Variants in ZNF124 observed in about 807,000 individuals in gnomAD.
ZNF124 encodes zinc finger protein HZF-16.
In ZNF124, 25 loss-of-function variants were observed where a neutral mutation model predicts 26.6. The observed-to-expected ratio is 0.94, with a 90% CI of 0.68 to 1.31. ZNF124 has a LOEUF of 1.31. Among genes scored for constraint, ZNF124 ranks in the 40% most tolerant of loss-of-function variants. ZNF124 has a pLI of 0.00. For synonymous variants in ZNF124, 129 were observed against 133.3 expected (o/e 0.97, Z 0.22); for missense variants, 444 against 422.2 (o/e 1.05, Z -0.45).
At chr1:247,131,429 G>C (rs977712841) in intron 3 of ZNF124, among the ~76,000 whole-genome samples, 2 of 152,222 alleles carry the variant, frequency 1.3e-5, no homozygotes, top group Non-Finnish European at 2.9e-5. Flanking sequence ...AACTCCCAGG[G>C]GGAGGGGCAA....
At chr1:247,163,175 C>A (rs1673582250) in intron 1 of ZNF124, among the ~76,000 whole-genome samples, 1 of 151,988 alleles carries the variant, frequency 6.6e-6, no homozygotes, top group Non-Finnish European at 1.5e-5. Context: ...TTTTATAGCA[C>A]TAAATGCCCA....
chr1:247,160,130 C>T (rs543986725), intron 1 of ZNF124, among the ~76,000 whole-genome samples: 3 of 152,184 alleles, frequency 2.0e-5, no homozygotes, highest in African/African-American at 7.2e-5. Context: ...GGACTACAGG[C>T]ACATGTCACC....
chr1:247,164,035 A>T (rs1025359550), intron 1 of ZNF124, among the ~76,000 whole-genome samples: 1 of 152,160 alleles, frequency 6.6e-6, no homozygotes, highest in Non-Finnish European at 1.5e-5. Flanking sequence ...AACTAAAAAC[A>T]AAAAAACAAC....
chr1:247,141,921 G>A (rs1200569211), intron 3 of ZNF124, among the ~76,000 whole-genome samples: 1 of 152,174 alleles, frequency 6.6e-6, no homozygotes, highest in Non-Finnish European at 1.5e-5. Context: ...TGCTGACCTG[G>A]GAGCAGCTCT....
At chr1:247,143,577 C>A (rs1472558841) in intron 3 of ZNF124, among the ~76,000 whole-genome samples, 2 of 152,196 alleles carry the variant, frequency 1.3e-5, no homozygotes, top group African/African-American at 4.8e-5. Flanking sequence ...GAACCCTACC[C>A]TGTTCCACCA....
At position 247,156,263 on chromosome 1, in the gene ZNF124, T is replaced by G; in HGVS notation, c.*303A>C. 1 of 1,073,512 alleles carries G rather than the reference T, an allele frequency of 9.3e-7. No homozygotes were observed. Among genetic ancestry groups the G allele is most frequent in the South Asian group, 4.4e-5 (1 of 22,544 alleles). 66.5% of individuals were successfully genotyped at this position (1,073,512 alleles called of 1,614,324 possible). ...CTCACATTCGATACCTTCATAAAGT[T>G]TTTCTCTAGAATGAGTTATGTTATA... On this transcript the variant is annotated 3_prime_UTR_variant, in exon 4 of 4. Transcript: ENST00000543802.
chr1:247,128,088 A>C (rs1033055725), intron 3 of ZNF124, among the ~76,000 whole-genome samples: 2 of 152,034 alleles, frequency 1.3e-5, no homozygotes, highest in Admixed American at 6.5e-5. Context: ...CTCAAACTCC[A>C]ACTTCCCCTT....
At chr1:247,125,100 G>A (rs1239808135) in intron 3 of ZNF124, among the ~76,000 whole-genome samples, 1 of 152,184 alleles carries the variant, frequency 6.6e-6, no homozygotes, top group African/African-American at 2.4e-5. Context: ...ACAGCGCCCG[G>A]CCTTCATTCC....
chr1:247,156,305 G>A lies in ZNF124; in HGVS notation c.*261C>T. 1.4e-5 allele frequency: 16 copies of A among 1,169,500 alleles called. No homozygotes were observed. The highest frequency in any genetic ancestry group is 1.7e-5 in the Non-Finnish European group (16 of 948,918). 72.4% of individuals were successfully genotyped at this position (1,169,500 alleles called of 1,614,324 possible). ...TATGTTATACCATCAAATACCACTG[G>A]AACAACTGCAGGCCTTACCACATTT... is the stretch of plus-strand genomic sequence containing the variant. On this transcript the variant is annotated 3_prime_UTR_variant, in exon 4 of 4. Transcript: ENST00000543802.
chr1:247,134,113 A>G (rs558563782), intron 3 of ZNF124, among the ~76,000 whole-genome samples: 105 of 152,324 alleles, frequency 6.9e-4, no homozygotes, highest in African/African-American at 2.3e-3. Flanking sequence ...AGCACTAAAT[A>G]CGGAAAGAAA....
At chr1:247,145,647 T>TG (rs1255554989) in intron 3 of ZNF124, among the ~76,000 whole-genome samples, 2 of 148,242 alleles carry the variant, frequency 1.3e-5, no homozygotes, top group Non-Finnish European at 3.0e-5. Context: ...TTTTTTTTTT[T>TG]GACGGAGTTT....
At chr1:247,124,442 C>G (rs1341667739) in intron 3 of ZNF124, among the ~76,000 whole-genome samples, 1 of 151,676 alleles carries the variant, frequency 6.6e-6, no homozygotes, top group Non-Finnish European at 1.5e-5. Flanking sequence ...ACCTTGTGAT[C>G]TACCCGCCGC....
At chr1:247,142,943 T>G (rs1445469831) in intron 3 of ZNF124, among the ~76,000 whole-genome samples, 5 of 150,248 alleles carry the variant, frequency 3.3e-5, no homozygotes, top group African/African-American at 9.7e-5. Flanking sequence ...AAGAAAATTA[T>G]TTTGGTGTTT....
intron 1 of ZNF124, among the ~76,000 whole-genome samples, chr1:247,167,217 C>G (rs1288650330): frequency 6.6e-6 from 1 of 152,182 alleles, no homozygotes; most frequent in Non-Finnish European, 1.5e-5. Flanking sequence ...CTCCCAAGAT[C>G]AGGAAAGAGC....
At chr1:247,127,812 TTGGAGACGTGAG>T (rs1449461949) in intron 3 of ZNF124, among the ~76,000 whole-genome samples, 1 of 149,978 alleles carries the variant, frequency 6.7e-6, no homozygotes, top group Non-Finnish European at 1.5e-5. Context: ...GCTCGGTTTT[TTGGAGACGTGAG>T]TCTTGCCAAA....
At chr1:247,163,425 CA>C (rs1347278615) in intron 1 of ZNF124, among the ~76,000 whole-genome samples, 15 of 148,718 alleles carry the variant, frequency 1.0e-4, no homozygotes, top group African/African-American at 2.5e-5. Flanking sequence ...CATATAAACA[CA>C]ATCAGAAGTG....
intron 3 of ZNF124, among the ~76,000 whole-genome samples, chr1:247,127,737 C>T (rs12132769): frequency 0.23 from 33,730 of 147,470 alleles, 1,946 homozygotes; most frequent in African/African-American, 0.32. Context: ...CGATCACGAC[C>T]CTCTCACGCG....
At chr1:247,144,152 C>A (rs181456686) in intron 3 of ZNF124, among the ~76,000 whole-genome samples, 13 of 152,266 alleles carry the variant, frequency 8.5e-5, no homozygotes, top group African/African-American at 2.6e-4. Flanking sequence ...TTATTAATGC[C>A]CTTCCATTCT....
At chr1:247,152,492 T>C (rs987600052), downstream of ZNF124, among the ~76,000 whole-genome samples, 2 of 152,052 alleles carry the variant, frequency 1.3e-5, no homozygotes, top group Admixed American at 6.6e-5. Context: ...GACTAATTAT[T>C]CCTATTAAAG....
Sources: gnomAD v4.1 joint callset for allele counts (sites outside exome capture counted in the v4.1 genomes callset) on GRCh38, gnomAD v4.1.1 for gene constraint, MANE v1.5 for transcripts, NCBI Gene and HGNC (gene_info 2026-07-23, HGNC 2026-07-21) for gene names.